TYR: variants seen among roughly 807,000 people sequenced by gnomAD.
TYR encodes LB24-AB.
TYR carries 58 observed loss-of-function variants against 51.5 expected under a neutral mutation model. The ratio of observed to expected loss-of-function variants is 1.13; its 90% CI spans 0.91 to 1.40. The LOEUF (loss-of-function observed/expected upper bound fraction) is 1.40. TYR is among the 40% of genes most tolerant of loss of function. The pLI, the probability that TYR is intolerant of heterozygous loss-of-function variation, is 0.00. For synonymous variants in TYR, 263 were observed against 235.2 expected (o/e 1.12, Z -1.08); for missense variants, 732 against 647.4 (o/e 1.13, Z -1.42).
chr11:89,281,696 TA>T (rs1238238738), intron 3 of TYR, among the ~76,000 whole-genome samples: 2 of 151,796 alleles, frequency 1.3e-5, no homozygotes, highest in Non-Finnish European at 2.9e-5. Context: ...TGTTGATTAT[TA>T]ATTTGTCTAT....
chr11:89,187,292 C>T (rs550372929), intron 1 of TYR, among the ~76,000 whole-genome samples: 12 of 151,994 alleles, frequency 7.9e-5, no homozygotes, highest in African/African-American at 1.4e-4. Flanking sequence ...GTAAGACAGA[C>T]GAGGAAGAGC....
At chr11:89,271,612 T>G (rs1565419254) in intron 3 of TYR, among the ~76,000 whole-genome samples, 1 of 151,724 alleles carries the variant, frequency 6.6e-6, no homozygotes, top group Non-Finnish European at 1.5e-5. Flanking sequence ...AAGTTTGGAG[T>G]GGATGCAACA....
intron 1 of TYR, among the ~76,000 whole-genome samples, chr11:89,189,939 T>C (rs1943420470): frequency 6.6e-6 from 1 of 152,148 alleles, no homozygotes; most frequent in South Asian, 2.1e-4. Context: ...ACTACTATAA[T>C]GGAGCTGAAA....
intron 1 of TYR, among the ~76,000 whole-genome samples, chr11:89,184,240 CAA>C (rs1298795322): frequency 2.0e-5 from 3 of 151,296 alleles, no homozygotes; most frequent in Non-Finnish European, 4.4e-5. Context: ...GGCATTTCAG[CAA>C]AAATAGTTTC....
intron 3 of TYR, among the ~76,000 whole-genome samples, chr11:89,257,709 A>G (rs1017414655): frequency 2.6e-5 from 4 of 151,874 alleles, no homozygotes; most frequent in Admixed American, 1.3e-4. Flanking sequence ...TTATTTATGT[A>G]TTTTTTTTAC....
chr11:89,223,881 C>A (rs748553416), intron 2 of TYR, among the ~76,000 whole-genome samples: 2 of 150,328 alleles, frequency 1.3e-5, no homozygotes, highest in Admixed American at 6.6e-5. Context: ...TGTATTCCGA[C>A]AAATTCCTTG....
intron 1 of TYR, among the ~76,000 whole-genome samples, chr11:89,179,654 G>T (rs1943274832): frequency 6.6e-6 from 1 of 152,056 alleles, no homozygotes; most frequent in Admixed American, 6.6e-5. Flanking sequence ...AAAGGATCTG[G>T]TTCATTCTGT....
chr11:89,220,892 C>G (rs902622548), intron 2 of TYR, among the ~76,000 whole-genome samples: 3 of 152,208 alleles, frequency 2.0e-5, no homozygotes, highest in Non-Finnish European at 4.4e-5. Flanking sequence ...TAGCAGTAAT[C>G]TTTGTTGTAG....
chr11:89,217,910 C>T (rs545062878), intron 2 of TYR, among the ~76,000 whole-genome samples: 32 of 152,174 alleles, frequency 2.1e-4, no homozygotes, highest in African/African-American at 7.7e-4. Context: ...CTTTTTTCCC[C>T]ATGGTATTTC....
chr11:89,197,448 T>C (rs1227773852), intron 2 of TYR, among the ~76,000 whole-genome samples: 5 of 152,152 alleles, frequency 3.3e-5, no homozygotes, highest in South Asian at 2.1e-4. Context: ...GTCATCACCA[T>C]AAAAACCCAA....
intron 3 of TYR, 37 bp from the exon 4 acceptor site, chr11:89,284,736 A>G (rs773164767): frequency 7.5e-6 from 12 of 1,597,938 alleles, no homozygotes; most frequent in Middle Eastern, 3.3e-4. Context: ...TTTATACACA[A>G]TATGTTTCTT....
chr11:89,253,448 G>A (rs562154490), intron 3 of TYR, among the ~76,000 whole-genome samples: 3 of 151,834 alleles, frequency 2.0e-5, no homozygotes, highest in Non-Finnish European at 3.0e-5. Context: ...ACCCATCCAC[G>A]AGCATGGAAT....
chr11:89,276,435 CAGA>C (rs1944655426), intron 3 of TYR, among the ~76,000 whole-genome samples: 1 of 151,864 alleles, frequency 6.6e-6, no homozygotes, highest in Admixed American at 6.6e-5. Flanking sequence ...GAGAAAGAAG[CAGA>C]AGAACTGGGT....
rs190352699 is a variant in TYR, at chr11:89,232,463, G to A, written c.1184+4493G>A. On this transcript the variant is annotated intron_variant, in intron 3 of 4. Transcript: ENST00000263321. ...ACACAGGAACAGAAAACCAAGCACT[G>A]CATGTTTTCTCTTATAAGTGGGAGG... Among the ~76,000 whole-genome samples the A allele has an allele frequency of 1.1e-4, 16 of 143,182 alleles. 1 individual carries two copies. In the South Asian group the frequency reaches 2.3e-3, roughly 21 times the overall value. The allele number at this position is 143,182 out of a possible 152,430, so 93.9% of individuals were successfully genotyped here. A position where few individuals can be genotyped will look rare whatever the true frequency, so the allele number is the denominator to read the frequency against.
At chr11:89,191,467 C>T in intron 2 of TYR, 49 bp downstream of exon 2, 1 of 1,556,032 alleles carries the variant, frequency 6.4e-7, no homozygotes, top group Non-Finnish European at 8.9e-7. Flanking sequence ...TTCATATTTA[C>T]AGTCTCTTAT....
chr11:89,199,068 T>C (rs1179672503), intron 2 of TYR, among the ~76,000 whole-genome samples: 1 of 152,158 alleles, frequency 6.6e-6, no homozygotes, highest in African/African-American at 2.4e-5. Flanking sequence ...GCTTCATCCA[T>C]GTCCCTAAAA....
chr11:89,190,276 G>C (rs1393490943), intron 1 of TYR, among the ~76,000 whole-genome samples: 1 of 152,122 alleles, frequency 6.6e-6, no homozygotes, highest in Non-Finnish European at 1.5e-5. Flanking sequence ...GATTGTTATA[G>C]AGATGATAGC....
At chr11:89,287,951 AG>A (rs1944810757) in intron 4 of TYR, among the ~76,000 whole-genome samples, 1 of 151,982 alleles carries the variant, frequency 6.6e-6, no homozygotes, top group South Asian at 2.1e-4. Flanking sequence ...TTTATATATC[AG>A]ATGAAGGAGA....
At chr11:89,198,405 T>C (rs542556086) in intron 2 of TYR, among the ~76,000 whole-genome samples, 10 of 152,110 alleles carry the variant, frequency 6.6e-5, no homozygotes, top group Non-Finnish European at 1.2e-4. Flanking sequence ...TAGTTTGGTG[T>C]ACCCTGACTC....
Sources: allele counts gnomAD v4.1 joint callset (sites outside exome capture counted in the v4.1 genomes callset), GRCh38; gene constraint gnomAD v4.1.1; transcripts MANE v1.5; gene names NCBI Gene and HGNC (gene_info 2026-07-23, HGNC 2026-07-21).